The following CCDC83 variants were observed in gnomAD, a reference collection of about 807,000 sequenced individuals.
The protein encoded by CCDC83 is coiled-coil domain containing 83.
A neutral mutation model predicts 50.1 loss-of-function variants in CCDC83; 54 were observed. The observed-to-expected ratio is 1.08, with a 90% CI of 0.87 to 1.35. The LOEUF (loss-of-function observed/expected upper bound fraction) is 1.35. Ranked by LOEUF, CCDC83 falls within the 40% of genes most tolerant of loss-of-function variation. The probability of loss-of-function intolerance (pLI) is 0.00; values close to 1 mark genes in which losing one functional copy is unlikely to be tolerated. For synonymous variants in CCDC83, 161 were observed against 153.3 expected (o/e 1.05, Z -0.37); for missense variants, 518 against 473.9 (o/e 1.09, Z -0.86).
intron 1 of CCDC83, among the ~76,000 whole-genome samples, chr11:85,856,958 C>A (rs1016574359): frequency 6.6e-6 from 1 of 152,200 alleles, no homozygotes; most frequent in African/African-American, 2.4e-5. Flanking sequence ...TCTGTGCAAT[C>A]TCATTTGCAG....
intron 7 of CCDC83, among the ~76,000 whole-genome samples, chr11:85,910,870 T>C (rs572075894): frequency 2.0e-5 from 3 of 152,160 alleles, no homozygotes; most frequent in Non-Finnish European, 4.4e-5. Context: ...GAGTTTATTA[T>C]AGAAAACTTA....
At chr11:85,870,239 C>T (rs977884041) in intron 2 of CCDC83, among the ~76,000 whole-genome samples, 2 of 152,220 alleles carry the variant, frequency 1.3e-5, no homozygotes, top group African/African-American at 2.4e-5. Context: ...CCAGCCCAAT[C>T]GTTGCATGCT....
intron 1 of CCDC83, among the ~76,000 whole-genome samples, chr11:85,861,755 T>G (rs976627342): frequency 3.3e-5 from 5 of 151,940 alleles, no homozygotes; most frequent in Non-Finnish European, 7.4e-5. Context: ...ATGCCTGTAA[T>G]CCTAGCACTT....
At chr11:85,895,221 C>T in intron 5 of CCDC83, 72 bp from the exon 6 acceptor site, 1 of 708,946 alleles carries the variant, frequency 1.4e-6, no homozygotes, top group Non-Finnish European at 2.3e-6. Context: ...GACTGCCACA[C>T]ATAGTTTTAC....
intron 1 of CCDC83, among the ~76,000 whole-genome samples, chr11:85,857,156 T>G (rs1333501503): frequency 6.6e-6 from 1 of 152,146 alleles, no homozygotes; most frequent in African/African-American, 2.4e-5. Context: ...GCCCTGGATA[T>G]TGTGGAGAAC....
At chr11:85,874,224 G>T (rs1006706032) in intron 3 of CCDC83, among the ~76,000 whole-genome samples, 1 of 152,140 alleles carries the variant, frequency 6.6e-6, no homozygotes, top group African/African-American at 2.4e-5. Context: ...GATTCTTAAG[G>T]TTCATTCACT....
At chr11:85,877,809 A>C (rs920768349) in intron 3 of CCDC83, among the ~76,000 whole-genome samples, 1 of 152,200 alleles carries the variant, frequency 6.6e-6, no homozygotes, top group African/African-American at 2.4e-5. Flanking sequence ...CTTAGGATTC[A>C]AAACATAGTT....
chr11:85,856,721 C>T (rs949564015), intron 1 of CCDC83, among the ~76,000 whole-genome samples: 1 of 152,068 alleles, frequency 6.6e-6, no homozygotes, highest in African/African-American at 2.4e-5. Context: ...TTTTAAATAC[C>T]TTGATTTTAA....
chr11:85,896,150 G>C (rs1476134275), intron 6 of CCDC83, among the ~76,000 whole-genome samples: 1 of 151,810 alleles, frequency 6.6e-6, no homozygotes, highest in Non-Finnish European at 1.5e-5. Context: ...GTCTGGCCTG[G>C]GTGCAGTGGC....
chr11:85,898,070 A>C (rs890666381), intron 6 of CCDC83, among the ~76,000 whole-genome samples: 2 of 151,924 alleles, frequency 1.3e-5, no homozygotes, highest in Non-Finnish European at 2.9e-5. Flanking sequence ...AGACAGAAGA[A>C]TCTCTTGAAC....
chr11:85,900,484 C>G (rs76025081), intron 7 of CCDC83, among the ~76,000 whole-genome samples: 6 of 152,272 alleles, frequency 3.9e-5, no homozygotes, highest in Admixed American at 3.9e-4. Context: ...ACACCACCTG[C>G]CATACCACAT....
At chr11:85,890,265 G>T (rs1346503746) in intron 5 of CCDC83, among the ~76,000 whole-genome samples, 1 of 152,214 alleles carries the variant, frequency 6.6e-6, no homozygotes, top group East Asian at 1.9e-4. Flanking sequence ...GGTGGCTGCT[G>T]CCCTGGGCTG....
Position 85,864,691 on chromosome 11 carries a change from ATTGTAGTT to A in CCDC83, c.-28-400_-28-393del, listed in dbSNP as rs531507398. Among the ~76,000 whole-genome samples the A allele has an allele frequency of 2.2e-4, 33 of 152,318 alleles. 1 individual carries two copies. The East Asian group carries it at 6.4e-3, about 29-fold the overall frequency. On this transcript the variant is annotated intron_variant, in intron 1 of 10. Coordinates refer to ENST00000342404, the MANE Select transcript of CCDC83 (RefSeq NM_001286159.2). ...CCTAGCTTCTTCGTGCTCATAGAAA[ATTGTAGTT>A]TTGTTTTCATTTTCTTTGAAAAATT...
At chr11:85,896,400 CAAAAAAAAAAAAAAAAA>C in intron 6 of CCDC83, among the ~76,000 whole-genome samples, 1 of 50,504 alleles carries the variant, frequency 2.0e-5, no homozygotes, top group African/African-American at 6.7e-5. Context: ...GACCTTGTCT[CAAAAAAAAAAAAAAAAA>C]AAAAAAAAAA....
chr11:85,894,150 T>C (rs1292570468), intron 5 of CCDC83, among the ~76,000 whole-genome samples: 1 of 152,140 alleles, frequency 6.6e-6, no homozygotes, highest in Admixed American at 6.5e-5. Flanking sequence ...AAAATTGTCT[T>C]CCAGGAAAAC....
intron 1 of CCDC83, among the ~76,000 whole-genome samples, chr11:85,860,829 T>A (rs889233303): frequency 6.6e-6 from 1 of 152,212 alleles, no homozygotes; most frequent in Non-Finnish European, 1.5e-5. Context: ...TCGTGTCCTT[T>A]GTAGCAACAT....
intron 8 of CCDC83, 84 bp downstream of exon 8, chr11:85,911,486 G>T (rs2093454111): frequency 1.7e-6 from 2 of 1,197,624 alleles, no homozygotes; most frequent in Non-Finnish European, 2.3e-6. Flanking sequence ...AAAAAAAGAT[G>T]ATTTAATTAT....
At chr11:85,909,322 A>G (rs754760189) in intron 7 of CCDC83, among the ~76,000 whole-genome samples, 4 of 151,970 alleles carry the variant, frequency 2.6e-5, no homozygotes, top group Non-Finnish European at 5.9e-5. Context: ...CTGAATCTAA[A>G]CCCCTGTGCC....
chr11:85,892,989 A>G (rs1370575464), intron 5 of CCDC83, among the ~76,000 whole-genome samples: 1 of 152,172 alleles, frequency 6.6e-6, no homozygotes, highest in African/African-American at 2.4e-5. Context: ...GTCCATCTCT[A>G]TTAGAGGCAG....
Sources: gnomAD v4.1 joint callset for allele counts (sites outside exome capture counted in the v4.1 genomes callset) on GRCh38, gnomAD v4.1.1 for gene constraint, MANE v1.5 for transcripts, NCBI Gene and HGNC (gene_info 2026-07-23, HGNC 2026-07-21) for gene names.